Variants in CCDC91 observed in about 807,000 individuals in gnomAD.
The protein encoded by CCDC91 is coiled-coil domain-containing protein 91.
A neutral mutation model predicts 63.2 loss-of-function variants in CCDC91; 48 were observed. The observed-to-expected ratio is 0.76, with a 90% CI of 0.60 to 0.97. The LOEUF is 0.97. CCDC91 is among the 50% of genes least tolerant of loss of function. The pLI is 0.00. For synonymous variants in CCDC91, 167 were observed against 165.8 expected (o/e 1.01, Z -0.06); for missense variants, 500 against 494.6 (o/e 1.01, Z -0.10).
chr12:28,245,703 G>T (rs1403679933), intron 1 of CCDC91, among the ~76,000 whole-genome samples: 2 of 152,110 alleles, frequency 1.3e-5, no homozygotes, highest in African/African-American at 4.8e-5. Flanking sequence ...ACATATCATT[G>T]ATAATCATAT....
rs545335101 is a variant in CCDC91, at chr12:28,463,372, A to G, written c.1101+10718A>G. ...AAGAGACAAATTCGGATTTAATATT[A>G]TCACAAATGGAATGCTACCAGAGGC... On this transcript the variant is annotated intron_variant, in intron 11 of 12. Transcript: ENST00000536442. Among the ~76,000 whole-genome samples, 475 of 152,322 alleles carry G rather than the reference A, an allele frequency of 3.1e-3. 1 individual carries two copies. The highest frequency in any genetic ancestry group is 4.9e-3 in the Non-Finnish European group (335 of 68,018).
chr12:28,267,777 T>TATAATTATATATAATTATATTA (rs1565699455), intron 3 of CCDC91, among the ~76,000 whole-genome samples: 4 of 72,818 alleles, frequency 5.5e-5, no homozygotes, highest in Admixed American at 2.4e-4. Flanking sequence ...AATTATATTA[T>TATAATTATATATAATTATATTA]TAATATATAA....
rs1429481734 is a variant in CCDC91, at chr12:28,261,759, G to A, written c.109+2317G>A. 8.6e-5 allele frequency among the ~76,000 whole-genome samples: 13 copies of A among 151,900 alleles called. No homozygotes were observed. In the East Asian group the frequency reaches 1.4e-3, roughly 16 times the overall value. On this transcript the variant is annotated intron_variant, in intron 3 of 12. Coordinates refer to ENST00000536442, the MANE Select transcript of CCDC91 (RefSeq NM_018318.5). Reference sequence around the variant, plus strand: ...TGAATATTATATGTCACATCTGCACGTCTGTGTATTAGTGGGTCAAGTTCT... The same window carrying A: ...TGAATATTATATGTCACATCTGCACATCTGTGTATTAGTGGGTCAAGTTCT...
chr12:28,344,565 A>G lies in CCDC91; in HGVS notation c.577-17873A>G, dbSNP rs542662082. ...CTCTGAGACAGAAGGTTATGATAAAATCTCTTTATTATCCTCCCAGTTGTC... is the reference window on the plus strand; with the variant it reads ...CTCTGAGACAGAAGGTTATGATAAAGTCTCTTTATTATCCTCCCAGTTGTC... On this transcript the variant is annotated intron_variant, in intron 6 of 12. Coordinates refer to ENST00000536442, the MANE Select transcript of CCDC91 (RefSeq NM_018318.5). 3.3e-5 allele frequency among the ~76,000 whole-genome samples: 5 copies of G among 152,172 alleles called. No individual in the cohort carries two copies. The East Asian group carries it at 9.7e-4, about 29-fold the overall frequency.
chr12:28,375,555 C>T (rs1164461917), intron 7 of CCDC91, among the ~76,000 whole-genome samples: 1 of 151,802 alleles, frequency 6.6e-6, no homozygotes, highest in Non-Finnish European at 1.5e-5. Context: ...CAAAAGAAAA[C>T]AAACAAAACT....
At chr12:28,346,111 C>G (rs1419430018) in intron 6 of CCDC91, among the ~76,000 whole-genome samples, 1 of 152,004 alleles carries the variant, frequency 6.6e-6, no homozygotes, top group Non-Finnish European at 1.5e-5. Context: ...ACTTCTGTCT[C>G]TCACAGGTGA....
At chr12:28,317,241 T>TA (rs1939992340) in intron 6 of CCDC91, among the ~76,000 whole-genome samples, 1 of 152,156 alleles carries the variant, frequency 6.6e-6, no homozygotes, top group East Asian at 1.9e-4. Context: ...TTCTATTTTT[T>TA]AAAAAATTTG....
At chr12:28,402,541 T>TG (rs1946689650) in intron 8 of CCDC91, among the ~76,000 whole-genome samples, 1 of 131,118 alleles carries the variant, frequency 7.6e-6, no homozygotes. Flanking sequence ...TTTTTTTTTT[T>TG]TTTGTCTACT....
intron 6 of CCDC91, among the ~76,000 whole-genome samples, chr12:28,321,144 C>G (rs1940457349): frequency 6.6e-6 from 1 of 151,808 alleles, no homozygotes; most frequent in African/African-American, 2.4e-5. Context: ...TTAGTTTGTT[C>G]ATTGCTACTT....
chr12:28,456,839 G>A (rs1950079144), intron 11 of CCDC91, among the ~76,000 whole-genome samples: 1 of 152,082 alleles, frequency 6.6e-6, no homozygotes. Flanking sequence ...ATGGAATTCA[G>A]GGGAGTTGTC....
At chr12:28,479,281 C>A (rs1049028456) in intron 11 of CCDC91, among the ~76,000 whole-genome samples, 14 of 152,052 alleles carry the variant, frequency 9.2e-5, no homozygotes, top group African/African-American at 3.4e-4. Context: ...TACTATGCAG[C>A]CATAAAAAAG....
At chr12:28,487,413 A>T (rs1342603743) in intron 12 of CCDC91, among the ~76,000 whole-genome samples, 1 of 151,840 alleles carries the variant, frequency 6.6e-6, no homozygotes. Flanking sequence ...TTTTGAGTTA[A>T]TTTTTATGAA....
chr12:28,255,856 G>A (rs1376903745), intron 1 of CCDC91: 1 of 151,804 alleles, frequency 6.6e-6, no homozygotes, highest in South Asian at 2.1e-4. Context: ...ACAATTTTTT[G>A]AATTTTCTTT....
intron 12 of CCDC91, among the ~76,000 whole-genome samples, chr12:28,492,243 T>C (rs1952053764): frequency 1.3e-5 from 2 of 151,752 alleles, no homozygotes; most frequent in African/African-American, 4.8e-5. Context: ...AAAGAAATGT[T>C]ATGAATACCC....
chr12:28,437,939 T>A (rs1948994254), intron 8 of CCDC91, among the ~76,000 whole-genome samples: 1 of 152,128 alleles, frequency 6.6e-6, no homozygotes, highest in Admixed American at 6.6e-5. Flanking sequence ...CATTACCATA[T>A]AATTTATGAA....
At chr12:28,339,575 C>G (rs1343470838) in intron 6 of CCDC91, among the ~76,000 whole-genome samples, 1 of 150,856 alleles carries the variant, frequency 6.6e-6, no homozygotes, top group Non-Finnish European at 1.5e-5. Flanking sequence ...TACAATATAA[C>G]AAGTATTTAC....
intron 1 of CCDC91, among the ~76,000 whole-genome samples, chr12:28,214,591 G>T (rs1463389572): frequency 6.6e-6 from 1 of 152,130 alleles, no homozygotes; most frequent in Non-Finnish European, 1.5e-5. Context: ...TTGTGTGTGT[G>T]TGTGTGTTTG....
chr12:28,254,174 G>A (rs1334795096), intron 1 of CCDC91, among the ~76,000 whole-genome samples: 1 of 152,174 alleles, frequency 6.6e-6, no homozygotes, highest in African/African-American at 2.4e-5. Flanking sequence ...CAAAAAAAGA[G>A]ATTAAATTTA....
intron 3 of CCDC91, among the ~76,000 whole-genome samples, chr12:28,295,476 A>G (rs1949510833): frequency 6.6e-6 from 1 of 152,088 alleles, no homozygotes; most frequent in Non-Finnish European, 1.5e-5. Context: ...ACTACAAACA[A>G]TGGCAAGTCG....
Sources: gnomAD v4.1 joint callset for allele counts (sites outside exome capture counted in the v4.1 genomes callset) on GRCh38, gnomAD v4.1.1 for gene constraint, MANE v1.5 for transcripts, NCBI Gene and HGNC (gene_info 2026-07-23, HGNC 2026-07-21) for gene names.